CST3: variants seen among roughly 807,000 people sequenced by gnomAD.
CST3 encodes cystatin C, also known as cystatin-C.
A neutral mutation model predicts 9.0 loss-of-function variants in CST3; 14 were observed. The ratio of observed to expected loss-of-function variants is 1.56; its 90% CI spans 1.03 to 2.44. The LOEUF (loss-of-function observed/expected upper bound fraction) is 2.44. Among genes scored for constraint, CST3 ranks in the 30% most tolerant of loss-of-function variants. The probability of loss-of-function intolerance (pLI) is 0.00; values close to 1 mark genes in which losing one functional copy is unlikely to be tolerated. For missense variants in CST3, 237 were observed against 204.3 expected, an observed-to-expected ratio of 1.16 and a Z score of -0.98; for synonymous variants, 96 against 90.2, an observed-to-expected ratio of 1.06 and a Z score of -0.37.
At chr20:23,627,478 T>C (rs1979294672) in exon 4 of CST3, 1 of 152,234 alleles carries the variant, frequency 6.6e-6, no homozygotes, top group African/African-American at 2.4e-5. Context: ...ATATATTTTT[T>C]TCTGATTTTA....
chr20:23,637,924 G>A lies in CST3; in HGVS notation c.-62C>T. On this transcript the variant is annotated 5_prime_UTR_variant, in exon 1 of 3. Coordinates refer to ENST00000376925, the MANE Select transcript of CST3 (RefSeq NM_000099.4). ...AGGCGAGAGGCTGGAGCTAGATAGA[G>A]AGGACCCGCTGCGATACCGAGGCGA... is the stretch of plus-strand genomic sequence containing the variant. The A allele has an allele frequency of 2.2e-6, 3 of 1,345,822 alleles. No individual in the cohort carries two copies. Among genetic ancestry groups the A allele is most frequent in the East Asian group, 6.2e-5 (2 of 32,100 alleles). The allele number at this position is 1,345,822 out of a possible 1,614,324, so 83.4% of individuals were successfully genotyped here.
In CST3 at chr20:23,637,674, G is replaced by A. The variant is rs1215004193; in HGVS notation, c.189C>T (p.Ala63=). The part of the protein sequence containing the change: ...LDFAVGEYNK[A]SNDMYHSRAL... ...CGCGGCTGTGGTACATGTCGTTGCT[G>A]GCTTTGTTGTACTCGCCGACGGCAA... is the stretch of plus-strand genomic sequence containing the variant. Residue 63 remains alanine, a synonymous_variant, in exon 1 of 3, where the codon GCC becomes GCT. Transcript: ENST00000376925. 1.3e-6 allele frequency: 2 copies of A among 1,538,868 alleles called. No homozygotes were observed. Among genetic ancestry groups the A allele is most frequent in the Non-Finnish European group, 1.7e-6 (2 of 1,143,156 alleles).
Position 23,635,236 on chromosome 20 carries a change from C to T in CST3, c.357+18G>A. On this transcript the variant is annotated intron_variant, in intron 2 of 2. Transcript: ENST00000376925. ...TCTGCAGTGTATGACTGGCCCTGGA[C>T]CCATATAAGGCACATACCCTTTTCA... is the stretch of plus-strand genomic sequence containing the variant. 1.9e-6 allele frequency: 3 copies of T among 1,603,186 alleles called. No individual in the cohort carries two copies. The highest frequency in any genetic ancestry group is 2.6e-6 in the Non-Finnish European group (3 of 1,170,200).
Position 23,633,879 on chromosome 20 carries a change from AAG to A in CST3, c.*35_*36del, listed in dbSNP as rs1459490495. The A allele has an allele frequency of 6.4e-7, 1 of 1,556,126 alleles. No homozygotes were observed. Among genetic ancestry groups the A allele is most frequent in the Admixed American group, 1.7e-5 (1 of 59,966 alleles). On this transcript the variant is annotated 3_prime_UTR_variant, in exon 3 of 3. Transcript: ENST00000376925. Reference sequence around the variant, plus strand: ...AATACAGGGGGTGGGAGGTGTGCATAAGAGGTGATAGGCACAGGCCAGCCCGG... The same window carrying A: ...AATACAGGGGGTGGGAGGTGTGCATAAGGTGATAGGCACAGGCCAGCCCGG...
intron 1 of CST3, among the ~76,000 whole-genome samples, chr20:23,637,323 G>A (rs1251699601): frequency 7.2e-5 from 11 of 152,366 alleles, no homozygotes; most frequent in Non-Finnish European, 5.9e-5. Flanking sequence ...GGACAGAGCT[G>A]TGTGGGACGT....
rs369774064 is a variant in CST3 at position 23,635,182 on chromosome 20, T to TCTCA, written c.357+71_357+72insTGAG. 976 of 1,104,118 alleles carry TCTCA rather than the reference T, an allele frequency of 8.8e-4. 3 individuals are homozygous for TCTCA. In the African/African-American group the frequency reaches 0.012, roughly 14 times the overall value. The allele number at this position is 1,104,118 out of a possible 1,614,324, so 68.4% of individuals were successfully genotyped here. On this transcript the variant is annotated intron_variant, in intron 2 of 2. Transcript: ENST00000376925. ...ACACGTACCCTGCAGAACATGTGCA[T>TCTCA]CACACACACACACACACACACACAC...
At position 23,633,960 on chromosome 20, in the gene CST3, G is replaced by A. The variant is rs763523220; in HGVS notation, c.397C>T (p.Gln133Ter). The part of the protein sequence containing the change: ...CSFQIYAVPW[Q>*]GTMTLSKSTC... ...GATTTCGACAAGGTCATTGTGCCCT[G>A]CCAAGGCACAGCGTAGATCTGGAAA... The change falls in exon 3 of 3, where the codon CAG (glutamine) becomes TAG (stop). Residue 133 changes from glutamine (Q) to a stop codon, truncating the protein, a stop_gained. Transcript: ENST00000376925. LOFTEE classifies it low-confidence loss of function (END_TRUNC). 3.1e-6 allele frequency: 5 copies of A among 1,614,042 alleles called. No individual in the cohort carries two copies. Among genetic ancestry groups the A allele is most frequent in the Non-Finnish European group, 8.5e-7 (1 of 1,180,024 alleles).
chr20:23,634,043 C>A, intron 2 of CST3, 44 bp from the exon 3 acceptor site: 1 of 1,538,282 alleles, frequency 6.5e-7, no homozygotes, highest in South Asian at 1.1e-5. Context: ...GGTTACAGTT[C>A]AAAGCAGAAG....
chr20:23,630,710 C>A (rs1979419888), downstream of CST3, among the ~76,000 whole-genome samples: 1 of 151,756 alleles, frequency 6.6e-6, no homozygotes, highest in Non-Finnish European at 1.5e-5. Flanking sequence ...TCTCTCACAG[C>A]CACATGGGTG....
chr20:23,633,553 G>A (rs1979529969), downstream of CST3: 3 of 429,620 alleles, frequency 7.0e-6, no homozygotes, highest in East Asian at 9.7e-5. Flanking sequence ...CAGCTCCCAG[G>A]TACTCCTCTC....
chr20:23,631,487 C>T (rs1979450110), downstream of CST3, among the ~76,000 whole-genome samples: 2 of 152,242 alleles, frequency 1.3e-5, no homozygotes, highest in Admixed American at 6.5e-5. Flanking sequence ...TGTCTTGCAG[C>T]CACGCAGGAC....
downstream of CST3, chr20:23,629,597 G>A (rs1378878387): frequency 6.6e-6 from 1 of 152,258 alleles, no homozygotes; most frequent in Non-Finnish European, 1.5e-5. Flanking sequence ...GTGTGGGGAA[G>A]TCTACAAAGA....
rs1438088466 is a variant in CST3, at chr20:23,633,963, A to G, written c.394T>C (p.Trp132Arg). 6 of 1,614,176 alleles carry G rather than the reference A, an allele frequency of 3.7e-6. No individual in the cohort carries two copies. The highest frequency in any genetic ancestry group is 5.1e-6 in the Non-Finnish European group (6 of 1,180,028). ...TTCGACAAGGTCATTGTGCCCTGCC[A>G]AGGCACAGCGTAGATCTGGAAAGAG... is the stretch of plus-strand genomic sequence containing the variant. ...FCSFQIYAVP[W>R]QGTMTLSKST... Residue 132 changes from tryptophan (W) to arginine (R), a missense_variant, in exon 3 of 3, where the codon TGG becomes CGG. Coordinates refer to ENST00000376925, the MANE Select transcript of CST3 (RefSeq NM_000099.4).
intron 1 of CST3, among the ~76,000 whole-genome samples, chr20:23,636,885 G>A (rs1287031629): frequency 6.6e-6 from 1 of 152,252 alleles, no homozygotes; most frequent in East Asian, 1.9e-4. Context: ...CTGAGCATTA[G>A]ATCATGAATG....
chr20:23,635,447 G>T, intron 1 of CST3, 80 bp from the exon 2 acceptor site: 1 of 1,284,342 alleles, frequency 7.8e-7, no homozygotes, highest in Non-Finnish European at 1.1e-6. Flanking sequence ...ACTGTGACCG[G>T]GTCACTGGGC....
In CST3 at chr20:23,633,780, TTC is replaced by T; in HGVS notation, c.*134_*135del. 1 of 781,588 alleles carries T rather than the reference TTC, an allele frequency of 1.3e-6. No individual in the cohort carries two copies. The highest frequency in any genetic ancestry group is 1.4e-5 in the South Asian group (1 of 70,002). 48.4% of individuals were successfully genotyped at this position (781,588 alleles called of 1,614,324 possible). On this transcript the variant is annotated 3_prime_UTR_variant, in exon 3 of 3. Coordinates refer to ENST00000376925, the MANE Select transcript of CST3 (RefSeq NM_000099.4). ...TGAGCAACAAAGGCCGCCTGCTGCC[TTC>T]TCTGTCTGTCTCCTGGTGCAGGCAC...
rs1048211848 is a variant in CST3, at chr20:23,637,896, C to G, written c.-34G>C. Reference sequence around the variant, plus strand: ...AGGACGCGGGACGCGGGGAGTGGGGCGCAGGCGAGAGGCTGGAGCTAGATA... The same window carrying G: ...AGGACGCGGGACGCGGGGAGTGGGGGGCAGGCGAGAGGCTGGAGCTAGATA... On this transcript the variant is annotated 5_prime_UTR_variant, in exon 1 of 3. Transcript: ENST00000376925. The G allele has an allele frequency of 7.4e-7, 1 of 1,347,228 alleles. No homozygotes were observed. The highest frequency in any genetic ancestry group is 9.4e-7 in the Non-Finnish European group (1 of 1,059,684). 83.5% of individuals were successfully genotyped at this position (1,347,228 alleles called of 1,614,324 possible). A position where few individuals can be genotyped will look rare whatever the true frequency, so the allele number is the denominator to read the frequency against.
chr20:23,635,769 C>G (rs774839095), intron 1 of CST3, among the ~76,000 whole-genome samples: 7 of 152,236 alleles, frequency 4.6e-5, no homozygotes, highest in Non-Finnish European at 7.3e-5. Context: ...TCATTTCTCA[C>G]TAGGAGATGA....
At chr20:23,637,473 G>T in intron 1 of CST3, 147 bp downstream of exon 1, 1 of 819,136 alleles carries the variant, frequency 1.2e-6, no homozygotes, top group Non-Finnish European at 1.8e-6. Context: ...CCCGCCAAGG[G>T]CTCGGGGGTG....
Sources: allele counts gnomAD v4.1 joint callset (sites outside exome capture counted in the v4.1 genomes callset), GRCh38; gene constraint gnomAD v4.1.1; transcripts MANE v1.5; gene names NCBI Gene and HGNC (gene_info 2026-07-23, HGNC 2026-07-21).